The following ARHGAP10 variants were observed in gnomAD, a reference collection of about 807,000 sequenced individuals.
ARHGAP10 encodes the protein Rho GTPase activating protein 10.
In ARHGAP10, 87 loss-of-function variants were observed where a neutral mutation model predicts 108.6. The ratio of observed to expected loss-of-function variants is 0.80; its 90% CI spans 0.67 to 0.96. The LOEUF (loss-of-function observed/expected upper bound fraction) is 0.96, where lower values mean the gene tolerates loss of function less well. Among genes scored for constraint, ARHGAP10 ranks in the 40% least tolerant of loss-of-function variants. The pLI is 0.00. For missense variants in ARHGAP10, 939 were observed against 954.5 expected (o/e 0.98, Z 0.21); for synonymous variants, 347 against 341.1 (o/e 1.02, Z -0.19).
At chr4:147,860,567 T>A (rs1734274181) in intron 5 of ARHGAP10, among the ~76,000 whole-genome samples, 1 of 151,942 alleles carries the variant, frequency 6.6e-6, no homozygotes, top group Non-Finnish European at 1.5e-5. Context: ...GCATAATAGC[T>A]TCTACCTCCA....
intron 22 of ARHGAP10, among the ~76,000 whole-genome samples, chr4:148,069,693 G>A (rs1270999703): frequency 1.3e-5 from 2 of 152,176 alleles, no homozygotes; most frequent in African/African-American, 4.8e-5. Context: ...CAAGCTAAGT[G>A]CTAGTAACCC....
chr4:147,750,748 C>T (rs1461393550), intron 1 of ARHGAP10, among the ~76,000 whole-genome samples: 2 of 151,464 alleles, frequency 1.3e-5, no homozygotes, highest in African/African-American at 2.4e-5. Flanking sequence ...ACTACAGTCA[C>T]GCACCACCAC....
chr4:148,028,628 A>G (rs1727988771), intron 19 of ARHGAP10, among the ~76,000 whole-genome samples: 1 of 152,168 alleles, frequency 6.6e-6, no homozygotes, highest in Non-Finnish European at 1.5e-5. Flanking sequence ...ACCACTGAAT[A>G]TTTTTCAGCA....
At chr4:148,043,732 A>ATG in intron 19 of ARHGAP10, among the ~76,000 whole-genome samples, 1 of 135,452 alleles carries the variant, frequency 7.4e-6, no homozygotes, top group Admixed American at 7.4e-5. Context: ...TCATATATAT[A>ATG]TGTGTATATA....
intron 4 of ARHGAP10, among the ~76,000 whole-genome samples, chr4:147,853,507 A>G (rs1733959973): frequency 6.6e-6 from 1 of 152,228 alleles, no homozygotes. Flanking sequence ...TTCCTCTTCT[A>G]AAGCAAAATA....
At chr4:148,001,053 A>G (rs1043449258) in intron 18 of ARHGAP10, among the ~76,000 whole-genome samples, 1 of 151,962 alleles carries the variant, frequency 6.6e-6, no homozygotes, top group Non-Finnish European at 1.5e-5. Context: ...CTTAGGTTTA[A>G]CATTTAAGTC....
rs1258153082 is a variant in ARHGAP10, at chr4:147,866,816, T to G, written c.702T>G (p.Asn234Lys). 4 of 1,593,480 alleles carry G rather than the reference T, an allele frequency of 2.5e-6. No homozygotes were observed. The highest frequency in any genetic ancestry group is 3.4e-6 in the Non-Finnish European group (4 of 1,163,662). Residue 234 changes from asparagine to lysine, a missense_variant and splice_region_variant, in exon 7 of 23, where the codon AAT becomes AAG. By Grantham distance (94) the Asn-to-Lys change is moderately conservative. Transcript: ENST00000336498. Reference sequence around the variant, plus strand: ...TGGAACTACAGATCAACATTCAGAATGTAAGGAAGTGAAAGCTTTCTTTAT... The same window carrying G: ...TGGAACTACAGATCAACATTCAGAAGGTAAGGAAGTGAAAGCTTTCTTTAT... ...YKMELQINIQ[N>K]TRNRFEGTRS...
chr4:147,732,225 G>T lies in ARHGAP10; in HGVS notation c.-77G>T. On this transcript the variant is annotated 5_prime_UTR_variant, in exon 1 of 23. Transcript: ENST00000336498. ...CTGTGCTCCCTGAACGCGCGGCGCCGCACCTGGCAGCGGCCTCGGAGCTCG... is the reference window on the plus strand; with the variant it reads ...CTGTGCTCCCTGAACGCGCGGCGCCTCACCTGGCAGCGGCCTCGGAGCTCG... 2 of 1,396,228 alleles carry T rather than the reference G, an allele frequency of 1.4e-6. No homozygotes were observed. Among genetic ancestry groups the T allele is most frequent in the Non-Finnish European group, 1.9e-6 (2 of 1,075,200 alleles). 86.5% of individuals were successfully genotyped at this position (1,396,228 alleles called of 1,614,324 possible). A position where few individuals can be genotyped will look rare whatever the true frequency, so the allele number is the denominator to read the frequency against.
intron 19 of ARHGAP10, among the ~76,000 whole-genome samples, chr4:148,024,163 T>A (rs1741679872): frequency 6.6e-6 from 1 of 152,222 alleles, no homozygotes; most frequent in African/African-American, 2.4e-5. Context: ...GTGTGGAGAA[T>A]AAGATGATTC....
chr4:147,948,291 T>G (rs897621712), intron 15 of ARHGAP10, among the ~76,000 whole-genome samples: 5 of 152,190 alleles, frequency 3.3e-5, no homozygotes, highest in African/African-American at 7.2e-5. Flanking sequence ...CTTCAGTATT[T>G]ATCTCAAAAA....
chr4:147,838,548 T>C lies in ARHGAP10; in HGVS notation c.313-8603T>C, dbSNP rs888569403. Among the ~76,000 whole-genome samples, 36 of 152,102 alleles carry C rather than the reference T, an allele frequency of 2.4e-4. 1 individual carries two copies. Among genetic ancestry groups the C allele is most frequent in the African/African-American group, 8.4e-4 (35 of 41,514 alleles). On this transcript the variant is annotated intron_variant, in intron 3 of 22. Coordinates refer to ENST00000336498, the MANE Select transcript of ARHGAP10 (RefSeq NM_024605.4). Reference sequence around the variant, plus strand: ...GTTTCCATGATTTCTCTTCCTCCTCTTCTTCTTCACAGGGTCTAACTGTTG... The same window carrying C: ...GTTTCCATGATTTCTCTTCCTCCTCCTCTTCTTCACAGGGTCTAACTGTTG...
intron 1 of ARHGAP10, among the ~76,000 whole-genome samples, chr4:147,788,376 G>A (rs1293963605): frequency 6.6e-6 from 1 of 152,170 alleles, no homozygotes; most frequent in African/African-American, 2.4e-5. Context: ...GAACCTGGGA[G>A]ACGGAGGTTG....
At chr4:147,902,715 T>C (rs990548793) in intron 10 of ARHGAP10, among the ~76,000 whole-genome samples, 9 of 152,082 alleles carry the variant, frequency 5.9e-5, no homozygotes, top group African/African-American at 2.2e-4. Context: ...CACTCCAGTC[T>C]GGGAGACAGA....
chr4:147,827,997 G>T (rs952145860), intron 3 of ARHGAP10, among the ~76,000 whole-genome samples: 1 of 152,004 alleles, frequency 6.6e-6, no homozygotes, highest in African/African-American at 2.4e-5. Context: ...GTAGAGATGG[G>T]GTTTCACCAT....
At chr4:147,791,134 C>T (rs1731104761) in intron 1 of ARHGAP10, among the ~76,000 whole-genome samples, 1 of 139,768 alleles carries the variant, frequency 7.2e-6, no homozygotes, top group Non-Finnish European at 1.5e-5. Flanking sequence ...TTTTTTGAGA[C>T]AGAGTCTCTC....
rs189731098 is a variant in ARHGAP10 at position 147,982,428 on chromosome 4, G to C, written c.1716+15589G>C. Among the ~76,000 whole-genome samples, 242 of 146,968 alleles carry C rather than the reference G, an allele frequency of 1.6e-3. 1 individual carries two copies. Among genetic ancestry groups the C allele is most frequent in the Non-Finnish European group, 3.0e-3 (205 of 67,262 alleles). On this transcript the variant is annotated intron_variant, in intron 18 of 22. Coordinates refer to ENST00000336498, the MANE Select transcript of ARHGAP10 (RefSeq NM_024605.4). ...TCTGTTGCCCAGGCTGGAGTGCAGT[G>C]GTGCAATCACGGCTCACTGCAGCCT...
chr4:147,945,535 T>C (rs937852850), intron 14 of ARHGAP10, among the ~76,000 whole-genome samples: 9 of 152,238 alleles, frequency 5.9e-5, no homozygotes, highest in African/African-American at 1.9e-4. Flanking sequence ...ATAGTGTTAA[T>C]GTGAAAGGTT....
At chr4:147,944,448 C>G (rs568090540) in intron 14 of ARHGAP10, among the ~76,000 whole-genome samples, 9 of 152,298 alleles carry the variant, frequency 5.9e-5, no homozygotes, top group African/African-American at 2.2e-4. Flanking sequence ...TGATGCTATG[C>G]CTGTGAAATA....
intron 10 of ARHGAP10, among the ~76,000 whole-genome samples, chr4:147,897,102 G>A (rs1736024127): frequency 6.6e-6 from 1 of 151,714 alleles, no homozygotes; most frequent in South Asian, 2.1e-4. Flanking sequence ...TTCTTATACT[G>A]TTCGTACAGC....
Sources: gnomAD v4.1 joint callset for allele counts (sites outside exome capture counted in the v4.1 genomes callset) on GRCh38, gnomAD v4.1.1 for gene constraint, MANE v1.5 for transcripts, NCBI Gene and HGNC (gene_info 2026-07-23, HGNC 2026-07-21) for gene names.